The following ULK1 variants were observed in gnomAD, a reference collection of about 807,000 sequenced individuals.
ULK1 encodes serine/threonine-protein kinase ULK1.
In ULK1, 48 loss-of-function variants were observed where a neutral mutation model predicts 117.5. The observed-to-expected ratio is 0.41, with a 90% CI of 0.32 to 0.52. ULK1 has a LOEUF of 0.52. Among genes scored for constraint, ULK1 ranks in the 20% least tolerant of loss-of-function variants. ULK1 has a pLI of 0.29. For missense variants in ULK1, 1,387 were observed against 1,473.4 expected (o/e 0.94, Z 0.96); for synonymous variants, 790 against 637.8 (o/e 1.24, Z -3.60).
chr12:131,909,317 G>A, intron 8 of ULK1, 80 bp downstream of exon 8: 1 of 1,437,278 alleles, frequency 7.0e-7, no homozygotes, highest in East Asian at 2.5e-5. Flanking sequence ...CCCCCTGCGA[G>A]CCCTGCCCGC....
Position 131,914,494 on chromosome 12 carries a change from C to T in ULK1, c.1373+17C>T, listed in dbSNP as rs769825324. 6.2e-7 allele frequency: 1 copy of T among 1,607,328 alleles called. No individual in the cohort carries two copies. The highest frequency in any genetic ancestry group is 1.7e-5 in the Admixed American group (1 of 59,746). On this transcript the variant is annotated intron_variant, in intron 16 of 27. Coordinates refer to ENST00000321867, the MANE Select transcript of ULK1 (RefSeq NM_003565.4). ...AACACCTCGGTGAGTGTGGAGCCCCCAGGTAGCCAGGCGTGGCTGGGGCCT... is the reference window on the plus strand; with the variant it reads ...AACACCTCGGTGAGTGTGGAGCCCCTAGGTAGCCAGGCGTGGCTGGGGCCT...
chr12:131,905,674 G>C (rs548014147), intron 3 of ULK1, among the ~76,000 whole-genome samples: 1 of 152,318 alleles, frequency 6.6e-6, no homozygotes, highest in African/African-American at 2.4e-5. Context: ...TGCCTGGTTT[G>C]ATGTGGCTTC....
At chr12:131,919,865 G>A in intron 25 of ULK1, 114 bp from the exon 26 acceptor site, 1 of 1,447,246 alleles carries the variant, frequency 6.9e-7, no homozygotes, top group Non-Finnish European at 9.3e-7. Context: ...GGGGAGCCAG[G>A]GCTGTGGCAG....
At chr12:131,909,730 C>T (rs757608477) in intron 8 of ULK1, 45 bp from the exon 9 acceptor site, 10 of 1,535,914 alleles carry the variant, frequency 6.5e-6, no homozygotes, top group African/African-American at 5.5e-5. Context: ...GGGCTGGTCC[C>T]GCTCGGCCGC....
intron 8 of ULK1, among the ~76,000 whole-genome samples, 185 bp downstream of exon 8, chr12:131,909,422 C>T (rs1413098818): frequency 6.6e-6 from 1 of 152,182 alleles, no homozygotes; most frequent in Non-Finnish European, 1.5e-5. Flanking sequence ...AGGGCGGCGC[C>T]GCCGGCGGTG....
chr12:131,915,861 A>C (rs766595113), intron 18 of ULK1, 30 bp from the exon 19 acceptor site: 2 of 1,604,584 alleles, frequency 1.2e-6, no homozygotes, highest in South Asian at 2.2e-5. Flanking sequence ...GCCGGACCGG[A>C]AGGTCGTGAC....
chr12:131,911,428 T>C (rs1889530359), intron 12 of ULK1, among the ~76,000 whole-genome samples: 2 of 152,322 alleles, frequency 1.3e-5, no homozygotes, highest in Admixed American at 1.3e-4. Flanking sequence ...AGCGCCCTGC[T>C]GTAGGGAGCT....
chr12:131,911,443 C>A lies in ULK1; in HGVS notation c.949-499C>A, dbSNP rs534766687. Among the ~76,000 whole-genome samples, 5 of 152,330 alleles carry A rather than the reference C, an allele frequency of 3.3e-5. No individual in the cohort carries two copies. In the East Asian group the frequency reaches 7.7e-4, roughly 24 times the overall value. On this transcript the variant is annotated intron_variant, in intron 12 of 27. Transcript: ENST00000321867. ...AGCGCCCTGCTGTAGGGAGCTGTGG[C>A]ATCCGCAGACCTGCCCTGGGGCACT...
At chr12:131,914,574 G>A in intron 16 of ULK1, 97 bp downstream of exon 16, 2 of 1,466,502 alleles carry the variant, frequency 1.4e-6, no homozygotes, top group South Asian at 1.3e-5. Flanking sequence ...CGTCATCCAT[G>A]TGCAGTTGTG....
chr12:131,896,148 T>C (rs1340190446), intron 3 of ULK1, among the ~76,000 whole-genome samples: 1 of 152,036 alleles, frequency 6.6e-6, no homozygotes, highest in Non-Finnish European at 1.5e-5. Flanking sequence ...CTGGCAGCAC[T>C]GCCGGCCTGG....
In ULK1 at chr12:131,920,106, G is replaced by A. The variant is rs1890084406; in HGVS notation, c.2931G>A (p.Glu977=). The A allele has an allele frequency of 6.2e-7, 1 of 1,612,830 alleles. No individual in the cohort carries two copies. Among genetic ancestry groups the A allele is most frequent in the South Asian group, 1.1e-5 (1 of 91,090 alleles). Residue 977 remains glutamate (E), a synonymous_variant, in exon 26 of 28, where the codon GAG becomes GAA. Transcript: ENST00000321867. The part of the protein sequence containing the change: ...LLDRIHSITA[E]RLIFSHAVQM... ...ACCGCATTCACAGCATCACTGCCGA[G>A]AGGCTCATCTTCAGCCACGCTGTGC...
Position 131,915,419 on chromosome 12 carries a change from C to T in ULK1, c.1607C>T (p.Pro536Leu). 6.2e-7 allele frequency: 1 copy of T among 1,612,382 alleles called. No homozygotes were observed. The highest frequency in any genetic ancestry group is 8.5e-7 in the Non-Finnish European group (1 of 1,179,932). Reference protein sequence around the residue: ...AEMRGGRSPRPGSSAPEHSPR... With the variant: ...AEMRGGRSPRLGSSAPEHSPR... ...ATGCGGGGTGGCAGGTCCCCTCGTC[C>T]AGGTGGGTGCAGTCCGGAGGGGGGA... Residue 536 changes from proline to leucine, a missense_variant and splice_region_variant, in exon 18 of 28, where the codon CCA becomes CTA. Coordinates refer to ENST00000321867, the MANE Select transcript of ULK1 (RefSeq NM_003565.4).
rs199720244 is a variant in ULK1, at chr12:131,918,592, G to C, written c.2422G>C (p.Gly808Arg). 7 of 1,610,792 alleles carry C rather than the reference G, an allele frequency of 4.3e-6. No individual in the cohort carries two copies. In the South Asian group the frequency reaches 6.6e-5, roughly 15 times the overall value. Residue 808 changes from glycine (G) to arginine (R), a missense_variant, in exon 23 of 28, where the codon GGC (glycine) becomes CGC (arginine). By Grantham distance (125) the Gly-to-Arg change is moderately radical. Coordinates refer to ENST00000321867, the MANE Select transcript of ULK1 (RefSeq NM_003565.4). ...CCCTGAGCTCCCTGCTCCAGGACACGGCTGCAGCTTTGCCGACCCCATTAC... is the reference window on the plus strand; with the variant it reads ...CCCTGAGCTCCCTGCTCCAGGACACCGCTGCAGCTTTGCCGACCCCATTAC... ...PAPELPAPGH[G>R]CSFADPITAN...
At chr12:131,911,849 C>T (rs1347115702) in intron 12 of ULK1, 93 bp from the exon 13 acceptor site, 12 of 1,569,792 alleles carry the variant, frequency 7.6e-6, no homozygotes, top group Admixed American at 3.7e-5. Flanking sequence ...CCGATCTTTA[C>T]TGGGGCTCTG....
At chr12:131,908,559 T>G in intron 5 of ULK1, 85 bp from the exon 6 acceptor site, 1 of 1,391,740 alleles carries the variant, frequency 7.2e-7, no homozygotes, top group South Asian at 1.6e-5. Context: ...TCTCCATCCG[T>G]GTGGCGGGAC....
Position 131,921,322 on chromosome 12 carries a change from G to A in ULK1, c.3114G>A (p.Glu1038=), listed in dbSNP as rs191298252. 13 of 1,607,054 alleles carry A rather than the reference G, an allele frequency of 8.1e-6. No individual in the cohort carries two copies. In the Admixed American group the frequency reaches 1.0e-4, roughly 12 times the overall value. ...CCTCCACAGGCAAGCTGTGCATTGA[G>A]CGGAGACTCTCGGCGCTGCTGACTG... ...ENVTKCKLCI[E]RRLSALLTGI... Residue 1038 remains glutamate, a synonymous_variant, in exon 28 of 28, where the codon GAG becomes GAA. Coordinates refer to ENST00000321867, the MANE Select transcript of ULK1 (RefSeq NM_003565.4).
intron 5 of ULK1, among the ~76,000 whole-genome samples, chr12:131,907,979 G>GCCACAGTGCCGGCGGGC (rs2136389802): frequency 8.6e-6 from 1 of 116,812 alleles, no homozygotes; most frequent in South Asian, 3.2e-4. Context: ...GGGGGTCCGG[G>GCCACAGTGCCGGCGGGC]CCACAGTGCC....
In ULK1 at chr12:131,919,862, C is replaced by G. The variant is rs1890071399; in HGVS notation, c.2804-117C>G. ...CCACACCCTCAAGGCCACGGGGAGC[C>G]AGGGCTGTGGCAGGGAGGGAGGGAC... On this transcript the variant is annotated intron_variant, in intron 25 of 27. Coordinates refer to ENST00000321867, the MANE Select transcript of ULK1 (RefSeq NM_003565.4). The G allele has an allele frequency of 2.8e-6, 4 of 1,436,836 alleles. No homozygotes were observed. The East Asian group carries it at 9.5e-5, about 34-fold the overall frequency. The allele number at this position is 1,436,836 out of a possible 1,614,324, so 89.0% of individuals were successfully genotyped here.
intron 25 of ULK1, 38 bp downstream of exon 25, chr12:131,919,628 G>T: frequency 6.3e-7 from 1 of 1,597,660 alleles, no homozygotes; most frequent in African/African-American, 1.3e-5. Context: ...TGCCGGGTTG[G>T]GGAGGAAGCC....
Sources: gnomAD v4.1 joint callset for allele counts (sites outside exome capture counted in the v4.1 genomes callset) on GRCh38, gnomAD v4.1.1 for gene constraint, MANE v1.5 for transcripts, NCBI Gene and HGNC (gene_info 2026-07-23, HGNC 2026-07-21) for gene names.